The following ZNF385D variants were observed in gnomAD, a reference collection of about 807,000 sequenced individuals.
ZNF385D encodes the protein zinc finger protein 659.
Under a neutral mutation model 35.8 loss-of-function variants are expected in ZNF385D, and 15 were observed. The observed-to-expected ratio is 0.42, with a 90% CI of 0.28 to 0.64. ZNF385D has a LOEUF of 0.64. ZNF385D is among the 30% of genes least tolerant of loss of function. ZNF385D has a pLI of 0.23. For missense variants in ZNF385D, 474 were observed against 494.6 expected, an observed-to-expected ratio of 0.96 and a Z score of 0.39; for synonymous variants, 212 against 186.8, an observed-to-expected ratio of 1.13 and a Z score of -1.10.
intron 3 of ZNF385D, among the ~76,000 whole-genome samples, chr3:22,155,469 C>T (rs1705524362): frequency 6.6e-6 from 1 of 151,858 alleles, no homozygotes; most frequent in African/African-American, 2.4e-5. Flanking sequence ...GGAATAAAAA[C>T]AGAATAGCAA....
intron 3 of ZNF385D, among the ~76,000 whole-genome samples, chr3:21,808,946 C>T (rs142950998): frequency 1.4e-4 from 21 of 152,014 alleles, no homozygotes; most frequent in Admixed American, 3.9e-4. Flanking sequence ...CTACAGTTCT[C>T]GAAGGGCAAC....
chr3:22,274,977 T>C (rs543584609), intron 2 of ZNF385D, among the ~76,000 whole-genome samples: 20 of 152,178 alleles, frequency 1.3e-4, no homozygotes, highest in Admixed American at 3.3e-4. Flanking sequence ...AGAAGAGTTG[T>C]ATATACCACA....
chr3:22,173,784 C>G (rs1694628957), intron 2 of ZNF385D, among the ~76,000 whole-genome samples: 1 of 152,096 alleles, frequency 6.6e-6, no homozygotes, highest in Admixed American at 6.6e-5. Context: ...GCTCCCCAGC[C>G]CTCTGTGAAA....
At chr3:21,447,443 C>G (rs1371276070) in intron 4 of ZNF385D, among the ~76,000 whole-genome samples, 1 of 152,176 alleles carries the variant, frequency 6.6e-6, no homozygotes, top group Non-Finnish European at 1.5e-5. Context: ...GCTGCAGTAA[C>G]AGTTTCTGTT....
At chr3:21,886,795 TAA>T (rs1334912053) in intron 3 of ZNF385D, among the ~76,000 whole-genome samples, 1 of 152,142 alleles carries the variant, frequency 6.6e-6, no homozygotes, top group Non-Finnish European at 1.5e-5. Flanking sequence ...GAAAATCTAA[TAA>T]AGAGTTGTAT....
Position 22,175,218 on chromosome 3 carries a change from T to C in ZNF385D, c.107-6183A>G, listed in dbSNP as rs574193386. Among the ~76,000 whole-genome samples, 205 of 152,146 alleles carry C rather than the reference T, an allele frequency of 1.3e-3. 1 individual carries two copies. The highest frequency in any genetic ancestry group is 4.7e-3 in the African/African-American group (194 of 41,558). On this transcript the variant is annotated intron_variant, in intron 2 of 5. Transcript: ENST00000494108. ...AACAAAGATTTATTATTTGTAAGAA[T>C]ATGATGATACAACTGCTACTGTAAT...
intron 5 of ZNF385D, among the ~76,000 whole-genome samples, chr3:21,428,618 G>A (rs1012899951): frequency 6.6e-6 from 1 of 151,676 alleles, no homozygotes; most frequent in African/African-American, 2.4e-5. Flanking sequence ...AGAGTGCCAC[G>A]AATGGTGACA....
At position 21,986,033 on chromosome 3, in the gene ZNF385D, T is replaced by C. The variant is rs907827599; in HGVS notation, c.325+182784A>G. On this transcript the variant is annotated intron_variant, in intron 3 of 5. Coordinates refer to the ZNF385D transcript ENST00000494108. ...GTGATATCCCCTTTATCATTTTTTA[T>C]TGTGTCTATTTGATTCTTCTCTCTT... 1.5e-4 allele frequency among the ~76,000 whole-genome samples: 16 copies of C among 105,460 alleles called. No individual in the cohort carries two copies. The East Asian group carries it at 1.9e-3, about 13-fold the overall frequency. 69.2% of individuals were successfully genotyped at this position (105,460 alleles called of 152,430 possible). A position where few individuals can be genotyped will look rare whatever the true frequency, so the allele number is the denominator to read the frequency against.
intron 3 of ZNF385D, among the ~76,000 whole-genome samples, chr3:21,823,965 T>A (rs1694439154): frequency 2.0e-5 from 3 of 152,190 alleles, no homozygotes; most frequent in Admixed American, 2.0e-4. Context: ...ATTAAATTAT[T>A]ACACTATTTA....
chr3:22,197,481 T>G (rs538686659), intron 2 of ZNF385D, among the ~76,000 whole-genome samples: 5 of 152,234 alleles, frequency 3.3e-5, no homozygotes, highest in African/African-American at 9.6e-5. Flanking sequence ...TATATTTGAT[T>G]TTGACGTATT....
intron 2 of ZNF385D, among the ~76,000 whole-genome samples, chr3:22,195,610 A>G (rs1223730353): frequency 2.6e-5 from 4 of 151,938 alleles, no homozygotes; most frequent in African/African-American, 9.7e-5. Context: ...GTTTTTATTT[A>G]TATTCTGAAA....
chr3:22,317,064 G>T (rs1703928708), intron 2 of ZNF385D, among the ~76,000 whole-genome samples: 1 of 151,784 alleles, frequency 6.6e-6, no homozygotes, highest in African/African-American at 2.4e-5. Flanking sequence ...GATTACCTGA[G>T]GTCAGGAGCT....
intron 3 of ZNF385D, among the ~76,000 whole-genome samples, chr3:21,948,994 G>C (rs1701928120): frequency 6.6e-6 from 1 of 152,024 alleles, no homozygotes; most frequent in South Asian, 2.1e-4. Context: ...GGGTTTTGCA[G>C]TATTTCATGT....
At chr3:22,337,407 G>A (rs952622633) in intron 2 of ZNF385D, among the ~76,000 whole-genome samples, 2 of 152,070 alleles carry the variant, frequency 1.3e-5, no homozygotes, top group African/African-American at 2.4e-5. Context: ...GGTGGCGCAT[G>A]CCTATAATCC....
At position 21,539,792 on chromosome 3, in the gene ZNF385D, G is replaced by A. The variant is rs2062127953; in HGVS notation, c.276+24782C>T. Among the ~76,000 whole-genome samples, 1 of 151,908 alleles carries A rather than the reference G, an allele frequency of 6.6e-6. No individual in the cohort carries two copies. The highest frequency in any genetic ancestry group is 6.6e-5 in the Admixed American group (1 of 15,258). ...TAGTAACTTTTCTGATAATGCTACGGTCTTAAGAAATATGGGTTGGCTTGG... is the reference window on the plus strand; with the variant it reads ...TAGTAACTTTTCTGATAATGCTACGATCTTAAGAAATATGGGTTGGCTTGG... On this transcript the variant is annotated intron_variant, in intron 3 of 7. Coordinates refer to ENST00000281523, the MANE Select transcript of ZNF385D (RefSeq NM_024697.3). This position sits in a 1 kb window ranked among gnomAD's most constrained non-coding sequence, Gnocchi z 4.0.
At chr3:21,559,673 G>C (rs1205211308) in intron 3 of ZNF385D, among the ~76,000 whole-genome samples, 1 of 152,100 alleles carries the variant, frequency 6.6e-6, no homozygotes, top group Non-Finnish European at 1.5e-5. Flanking sequence ...TCTTTGTGGT[G>C]TTCTCTGTAT....
chr3:22,219,929 C>G (rs544389443), intron 2 of ZNF385D, among the ~76,000 whole-genome samples: 1 of 152,212 alleles, frequency 6.6e-6, no homozygotes, highest in Admixed American at 6.5e-5. Flanking sequence ...CCTCTTTTCT[C>G]AATATATTCA....
chr3:21,994,086 A>G (rs1695315169), intron 3 of ZNF385D, among the ~76,000 whole-genome samples: 1 of 152,166 alleles, frequency 6.6e-6, no homozygotes, highest in Admixed American at 6.5e-5. Flanking sequence ...AAACTTTCTT[A>G]CTGAGATCCT....
At chr3:22,076,940 C>A (rs1054931767) in intron 3 of ZNF385D, among the ~76,000 whole-genome samples, 2 of 151,816 alleles carry the variant, frequency 1.3e-5, no homozygotes, top group African/African-American at 4.8e-5. Flanking sequence ...TCATCTACCT[C>A]TGAGTAACAC....
Sources: allele counts gnomAD v4.1 joint callset (sites outside exome capture counted in the v4.1 genomes callset), GRCh38; gene constraint gnomAD v4.1.1; non-coding constraint Gnocchi (gnomAD v3.1); transcripts MANE v1.5; gene names NCBI Gene and HGNC (gene_info 2026-07-23, HGNC 2026-07-21).